The following COMMD7 variants were observed in gnomAD, a reference collection of about 807,000 sequenced individuals.
COMMD7 encodes the protein COMM domain containing 7, also known as COMM domain-containing protein 7.
Under a neutral mutation model 34.8 loss-of-function variants are expected in COMMD7, and 28 were observed. That is an observed-to-expected ratio of 0.80 (90% confidence interval 0.60 to 1.10). The LOEUF is 1.10. Ranked by LOEUF, COMMD7 falls within the 50% of genes least tolerant of loss-of-function variation. The probability of loss-of-function intolerance (pLI) is 0.00; values close to 1 mark genes in which losing one functional copy is unlikely to be tolerated. For synonymous variants in COMMD7, 80 were observed against 86.4 expected, an observed-to-expected ratio of 0.93 and a Z score of 0.41; for missense variants, 211 against 241.6, an observed-to-expected ratio of 0.87 and a Z score of 0.84.
chr20:32,743,466 C>T lies in COMMD7; in HGVS notation c.-75G>A. 9.3e-7 allele frequency: 1 copy of T among 1,075,048 alleles called. No individual in the cohort carries two copies. The highest frequency in any genetic ancestry group is 1.2e-6 in the Non-Finnish European group (1 of 830,466). The allele number at this position is 1,075,048 out of a possible 1,614,324, so 66.6% of individuals were successfully genotyped here. A position where few individuals can be genotyped will look rare whatever the true frequency, so the allele number is the denominator to read the frequency against. On this transcript the variant is annotated 5_prime_UTR_variant, in exon 1 of 9. The change creates a new upstream start codon in the 5' untranslated region. Coordinates refer to ENST00000278980, the MANE Select transcript of COMMD7 (RefSeq NM_053041.3). The stretch of plus-strand genomic sequence containing the variant: ...GCTTCCTCCTCCGCTGCCGCTGCCA[C>T]CGCTGCCGGCCTCTCCGCGCATCCA...
chr20:32,722,848 C>T (rs1985255337), intron 3 of COMMD7, among the ~76,000 whole-genome samples: 1 of 150,760 alleles, frequency 6.6e-6, no homozygotes, highest in Middle Eastern at 3.4e-3. Flanking sequence ...GGTGAAACCC[C>T]ATCTCTACTA....
chr20:32,709,660 G>C (rs1984308906), intron 3 of COMMD7, among the ~76,000 whole-genome samples: 2 of 152,080 alleles, frequency 1.3e-5, no homozygotes, highest in Admixed American at 6.6e-5. Flanking sequence ...AAAATCCAAA[G>C]GTTGTACAAC....
intron 1 of COMMD7, among the ~76,000 whole-genome samples, chr20:32,735,644 A>G (rs921689226): frequency 6.6e-6 from 1 of 151,962 alleles, no homozygotes; most frequent in Non-Finnish European, 1.5e-5. Flanking sequence ...TGATTTCTGG[A>G]GATAAGAAAA....
chr20:32,722,825 T>A (rs897279902), intron 3 of COMMD7, among the ~76,000 whole-genome samples: 1 of 149,460 alleles, frequency 6.7e-6, no homozygotes, highest in Non-Finnish European at 1.5e-5. Flanking sequence ...ATCGAGACCA[T>A]CCTGGCTAAC....
chr20:32,712,011 C>G (rs1007648278), intron 3 of COMMD7, among the ~76,000 whole-genome samples: 2 of 75,132 alleles, frequency 2.7e-5, no homozygotes, highest in South Asian at 8.6e-4. Flanking sequence ...ATGGCTCATG[C>G]CTGTAATCCC....
At chr20:32,709,528 C>T (rs753395982) in intron 3 of COMMD7, among the ~76,000 whole-genome samples, 11 of 152,070 alleles carry the variant, frequency 7.2e-5, no homozygotes, top group African/African-American at 1.9e-4. Flanking sequence ...CAAGCCTGGG[C>T]GACAGAGCGA....
At position 32,704,920 on chromosome 20, in the gene COMMD7, A is replaced by T. The variant is rs1301968220; in HGVS notation, c.337-16T>A. The T allele has an allele frequency of 6.3e-7, 1 of 1,590,598 alleles. No individual in the cohort carries two copies. Among genetic ancestry groups the T allele is most frequent in the South Asian group, 1.1e-5 (1 of 90,592 alleles). On this transcript the variant is annotated splice_polypyrimidine_tract_variant and intron_variant, in intron 5 of 8. Transcript: ENST00000278980. ...TCTGCTTCCACTGGAACAAAAGCAA[A>T]AGACAAAGTCAATTACAATAGGAAA...
chr20:32,739,598 T>C (rs1233270624), intron 1 of COMMD7, among the ~76,000 whole-genome samples: 1 of 119,296 alleles, frequency 8.4e-6, no homozygotes, highest in Non-Finnish European at 1.7e-5. Flanking sequence ...TGAGTCGAGA[T>C]TGCACCACTG....
chr20:32,728,474 G>A (rs1042916302), intron 1 of COMMD7, among the ~76,000 whole-genome samples: 14 of 142,876 alleles, frequency 9.8e-5, no homozygotes, highest in Non-Finnish European at 2.0e-4. Flanking sequence ...ACACACGCAC[G>A]CACAAGGGGG....
intron 3 of COMMD7, among the ~76,000 whole-genome samples, chr20:32,718,955 C>G (rs368521324): frequency 6.6e-6 from 1 of 152,082 alleles, no homozygotes; most frequent in African/African-American, 2.4e-5. Context: ...TCTGGACACA[C>G]CAATTTGAGG....
chr20:32,710,621 C>A lies in COMMD7; in HGVS notation c.242-3861G>T, dbSNP rs1399377475. On this transcript the variant is annotated intron_variant, in intron 3 of 8. Transcript: ENST00000278980. Reference sequence around the variant, plus strand: ...GCACAGGCCTGTGGTCCCAGCTACTCAGGAGGCTGAGGTGGGAGGATGGCT... The same window carrying A: ...GCACAGGCCTGTGGTCCCAGCTACTAAGGAGGCTGAGGTGGGAGGATGGCT... Among the ~76,000 whole-genome samples the A allele has an allele frequency of 6.0e-5, 9 of 151,040 alleles. No homozygotes were observed. In the South Asian group the frequency reaches 1.5e-3, roughly 25 times the overall value.
chr20:32,741,156 AAC>A (rs1986420598), intron 1 of COMMD7, among the ~76,000 whole-genome samples: 3 of 119,770 alleles, frequency 2.5e-5, no homozygotes, highest in Non-Finnish European at 5.4e-5. Flanking sequence ...CAAACAAACA[AAC>A]AAAAAAAAAC....
intron 3 of COMMD7, among the ~76,000 whole-genome samples, chr20:32,709,856 C>T (rs1413629544): frequency 2.6e-5 from 4 of 151,834 alleles, no homozygotes; most frequent in Non-Finnish European, 4.4e-5. Flanking sequence ...AAAGGATCCC[C>T]GACCATTCTA....
At chr20:32,730,979 T>A (rs1378582275) in intron 1 of COMMD7, among the ~76,000 whole-genome samples, 2 of 152,208 alleles carry the variant, frequency 1.3e-5, no homozygotes, top group African/African-American at 4.8e-5. Flanking sequence ...TATGACACAT[T>A]AAACTCTACA....
At chr20:32,734,168 G>C (rs183707180) in intron 1 of COMMD7, among the ~76,000 whole-genome samples, 2 of 121,684 alleles carry the variant, frequency 1.6e-5, no homozygotes, top group African/African-American at 6.4e-5. Flanking sequence ...GCAACAGAGC[G>C]AGACTCCGTC....
chr20:32,725,497 C>T (rs1329042597), intron 3 of COMMD7, among the ~76,000 whole-genome samples: 2 of 147,472 alleles, frequency 1.4e-5, no homozygotes, highest in Non-Finnish European at 3.0e-5. Context: ...GGCACGGTCT[C>T]AGCTCACTGC....
intron 1 of COMMD7, among the ~76,000 whole-genome samples, chr20:32,733,507 T>A (rs1484279964): frequency 6.6e-6 from 1 of 151,072 alleles, no homozygotes; most frequent in African/African-American, 2.4e-5. Context: ...TCACCTGAGG[T>A]CAGGAGTTTG....
chr20:32,726,477 G>T lies in COMMD7; in HGVS notation c.241+1416C>A, dbSNP rs112085075. 4.4e-3 allele frequency among the ~76,000 whole-genome samples: 673 copies of T among 152,232 alleles called. 3 individuals are homozygous for T. The highest frequency in any genetic ancestry group is 0.015 in the African/African-American group (638 of 41,546). On this transcript the variant is annotated intron_variant, in intron 3 of 8. Transcript: ENST00000278980. Reference sequence around the variant, plus strand: ...AACACTTTGGGAGACTGAGGTGGGTGGATCACCTAAGGTCAGGAGTTTGAG... The same window carrying T: ...AACACTTTGGGAGACTGAGGTGGGTTGATCACCTAAGGTCAGGAGTTTGAG...
intron 3 of COMMD7, among the ~76,000 whole-genome samples, chr20:32,713,827 AG>A (rs1159950570): frequency 6.6e-6 from 1 of 152,182 alleles, no homozygotes; most frequent in East Asian, 1.9e-4. Context: ...GGGTATAAGA[AG>A]GGGGAGGCTG....
Sources: allele counts gnomAD v4.1 joint callset (sites outside exome capture counted in the v4.1 genomes callset), GRCh38; gene constraint gnomAD v4.1.1; transcripts MANE v1.5; gene names NCBI Gene and HGNC (gene_info 2026-07-23, HGNC 2026-07-21).